The following GRK6 variants were observed in gnomAD, a reference collection of about 807,000 sequenced individuals.
GRK6 encodes G protein-coupled receptor kinase 6.
A neutral mutation model predicts 80.8 loss-of-function variants in GRK6; 37 were observed. The ratio of observed to expected loss-of-function variants is 0.46; its 90% CI spans 0.35 to 0.60. The LOEUF is 0.60. Ranked by LOEUF, GRK6 falls within the 20% of genes least tolerant of loss-of-function variation. GRK6 has a pLI of 0.00. For missense variants in GRK6, 560 were observed against 784.6 expected (o/e 0.71, Z 3.42); for synonymous variants, 295 against 320.9 (o/e 0.92, Z 0.86).
In GRK6 at chr5:177,441,065, C is replaced by T; in HGVS notation, c.1677+12C>T. On this transcript the variant is annotated intron_variant, in intron 15 of 15. Coordinates refer to ENST00000355472, the MANE Select transcript of GRK6 (RefSeq NM_001004106.3). ...TCTTCAGTCGCCAAGTAAGCCCCAG[C>T]AGCGGCCTACCTGGGCCCCTAACCT... 1 of 1,612,904 alleles carries T rather than the reference C, an allele frequency of 6.2e-7. No individual in the cohort carries two copies. Among genetic ancestry groups the T allele is most frequent in the Non-Finnish European group, 8.5e-7 (1 of 1,179,512 alleles).
chr5:177,433,923 G>T lies in GRK6; in HGVS notation c.748G>T (p.Ala250Ser). Residue 250 changes from alanine to serine, a missense_variant, in exon 9 of 16, where the codon GCC becomes TCC. This residue lies in a region of GRK6 where 77 missense variants were observed against 156.9 expected (regional missense o/e 0.49). Coordinates refer to ENST00000355472, the MANE Select transcript of GRK6 (RefSeq NM_001004106.3). ...GTCCCCTCGGCCACAGGTGAGCTTG[G>T]CCTACGCCTATGAGACCAAGGACGC... ...KVNSRFVVSL[A>S]YAYETKDALC... is the part of the protein sequence containing the mutation. 1 of 1,581,432 alleles carries T rather than the reference G, an allele frequency of 6.3e-7. No homozygotes were observed. The highest frequency in any genetic ancestry group is 8.6e-7 in the Non-Finnish European group (1 of 1,161,400).
At chr5:177,440,184 AAAG>A (rs1764394113) in intron 13 of GRK6, among the ~76,000 whole-genome samples, 1 of 152,258 alleles carries the variant, frequency 6.6e-6, no homozygotes, top group Admixed American at 6.5e-5. Context: ...TAAGATAAAA[AAAG>A]AAGGTGGCCG....
At chr5:177,437,373 G>A (rs765684156) in intron 13 of GRK6, among the ~76,000 whole-genome samples, 4 of 152,226 alleles carry the variant, frequency 2.6e-5, no homozygotes, top group East Asian at 1.9e-4. Flanking sequence ...ACACCCACCC[G>A]AACCTGCACC....
chr5:177,430,398 C>T (rs1216301501), intron 1 of GRK6, among the ~76,000 whole-genome samples: 8 of 152,210 alleles, frequency 5.3e-5, no homozygotes, highest in African/African-American at 1.9e-4. Flanking sequence ...CTCATTTGAG[C>T]GTCTGATATC....
At chr5:177,431,091 T>G in intron 2 of GRK6, 124 bp downstream of exon 2, 2 of 734,566 alleles carry the variant, frequency 2.7e-6, no homozygotes, top group Non-Finnish European at 4.6e-6. Flanking sequence ...AGCAGGAGGA[T>G]GAGGACTGCA....
At chr5:177,435,543 G>A (rs1764103692) in intron 11 of GRK6, among the ~76,000 whole-genome samples, 1 of 152,178 alleles carries the variant, frequency 6.6e-6, no homozygotes, top group Non-Finnish European at 1.5e-5. Context: ...GCCTCTTGCC[G>A]GTTGCGTGGC....
intron 13 of GRK6, among the ~76,000 whole-genome samples, chr5:177,437,247 G>A (rs193225851): frequency 2.0e-5 from 3 of 152,150 alleles, no homozygotes; most frequent in Admixed American, 6.6e-5. Flanking sequence ...GAGCCATCGC[G>A]CCTGCCCTTG....
intron 15 of GRK6, chr5:177,441,347 C>G (rs1581693468): frequency 6.8e-7 from 1 of 1,470,556 alleles, no homozygotes; most frequent in Non-Finnish European, 9.2e-7. Context: ...AGAAAGAAGT[C>G]TGGTGCCCGC....
intron 10 of GRK6, 29 bp downstream of exon 10, chr5:177,434,968 G>A (rs1320539031): frequency 1.2e-6 from 2 of 1,612,400 alleles, no homozygotes; most frequent in Non-Finnish European, 8.5e-7. Flanking sequence ...GGTGGGTCAG[G>A]GTGGGGTGAG....
chr5:177,430,848 C>G (rs1298175410), intron 1 of GRK6, 24 bp from the exon 2 acceptor site: 1 of 1,607,848 alleles, frequency 6.2e-7, no homozygotes, highest in Non-Finnish European at 8.5e-7. Flanking sequence ...GGACTCGAGA[C>G]CCAGTGTCCT....
Position 177,433,650 on chromosome 5 carries a change from C to T in GRK6, c.712C>T (p.Leu238=), listed in dbSNP as rs374049525. 51 of 1,614,122 alleles carry T rather than the reference C, an allele frequency of 3.2e-5. No homozygotes were observed. Among genetic ancestry groups the T allele is most frequent in the Non-Finnish European group, 4.2e-5 (50 of 1,180,016 alleles). ...EAMALNEKQI[L]EKVNSRFVVS... ...CATGGCGCTGAACGAGAAGCAGATC[C>T]TGGAGAAAGTGAACAGTAGGTTTGT... Residue 238 remains leucine, a synonymous_variant, in exon 8 of 16, where the codon CTG becomes TTG. Transcript: ENST00000355472.
intron 13 of GRK6, chr5:177,439,936 T>G (rs1049979089): frequency 2.6e-5 from 4 of 152,308 alleles, no homozygotes; most frequent in Non-Finnish European, 5.9e-5. Flanking sequence ...TGGTAGACAT[T>G]AAGATTGTTC....
Position 177,430,987 on chromosome 5 carries a change from T to C in GRK6, c.148+20T>C, listed in dbSNP as rs1763866403. On this transcript the variant is annotated intron_variant, in intron 2 of 15. Transcript: ENST00000355472. The stretch of plus-strand genomic sequence containing the variant: ...GCCTCGGTGAGGCCTGGGCAGAGAC[T>C]GGGGGTGCTGAGGCGAGGGGCCCTG... 1.2e-6 allele frequency: 2 copies of C among 1,605,700 alleles called. No homozygotes were observed. The highest frequency in any genetic ancestry group is 1.3e-5 in the African/African-American group (1 of 74,834).
intron 15 of GRK6, 42 bp downstream of exon 15, chr5:177,441,095 C>T: frequency 6.2e-7 from 1 of 1,605,672 alleles, no homozygotes; most frequent in Non-Finnish European, 8.5e-7. Context: ...TAACCTGGCT[C>T]CAGGGGACGG....
chr5:177,426,901 A>C lies in GRK6; in HGVS notation c.52+4A>C. On this transcript the variant is annotated splice_donor_region_variant and intron_variant, in intron 1 of 15. Transcript: ENST00000355472. ...GTGCTACTCAAGGCCCGGGAAGGTG[A>C]GGCGGCCGGGTGGGCGGCCGGGCCC... 1 of 1,390,672 alleles carries C rather than the reference A, an allele frequency of 7.2e-7. No individual in the cohort carries two copies. 86.1% of individuals were successfully genotyped at this position (1,390,672 alleles called of 1,614,324 possible).
rs745914492 is a variant in GRK6, at chr5:177,433,928, C to T, written c.753C>T (p.Tyr251=). Residue 251 remains tyrosine (Y), a synonymous_variant, in exon 9 of 16, where the codon TAC becomes TAT. Coordinates refer to ENST00000355472, the MANE Select transcript of GRK6 (RefSeq NM_001004106.3). ...CTCGGCCACAGGTGAGCTTGGCCTA[C>T]GCCTATGAGACCAAGGACGCGCTGT... ...VNSRFVVSLA[Y]AYETKDALCL... The T allele has an allele frequency of 3.5e-5, 55 of 1,587,534 alleles. 1 individual carries two copies. Among genetic ancestry groups the T allele is most frequent in the South Asian group, 8.0e-5 (7 of 87,342 alleles).
chr5:177,432,955 G>C, intron 5 of GRK6, 149 bp downstream of exon 5: 1 of 787,428 alleles, frequency 1.3e-6, no homozygotes, highest in Non-Finnish European at 2.1e-6. Context: ...TGAGCAGGCT[G>C]CCTCCCCTCT....
chr5:177,431,073 C>A (rs749014292), intron 2 of GRK6, 106 bp downstream of exon 2: 33 of 846,586 alleles, frequency 3.9e-5, no homozygotes, highest in Middle Eastern at 2.8e-4. Flanking sequence ...GACTTGGGGG[C>A]TCCAGTGAGC....
chr5:177,426,837 C>CCACA lies in GRK6; in HGVS notation c.-8_-5dup. 7.9e-7 allele frequency: 1 copy of CCACA among 1,266,516 alleles called. No homozygotes were observed. The highest frequency in any genetic ancestry group is 1.0e-6 in the Non-Finnish European group (1 of 1,003,208). 78.5% of individuals were successfully genotyped at this position (1,266,516 alleles called of 1,614,324 possible). On this transcript the variant is annotated 5_prime_UTR_variant, in exon 1 of 16. Transcript: ENST00000355472. ...GCGCGGCCCGGCGGGCCAGGCGGCG[C>CCACA]CACAGCCCATGGAGCTCGAGAACAT...
Sources: allele counts gnomAD v4.1 joint callset (sites outside exome capture counted in the v4.1 genomes callset), GRCh38; gene constraint gnomAD v4.1.1; regional missense constraint gnomAD v4.1.1; transcripts MANE v1.5; gene names NCBI Gene and HGNC (gene_info 2026-07-23, HGNC 2026-07-21).